CDKL4: variants seen among roughly 807,000 people sequenced by gnomAD.
CDKL4 encodes cyclin-dependent kinase-like 4.
CDKL4 carries 44 observed loss-of-function variants against 42.0 expected under a neutral mutation model. The ratio of observed to expected loss-of-function variants is 1.05; its 90% CI spans 0.82 to 1.35. The LOEUF is 1.35. Among genes scored for constraint, CDKL4 ranks in the 40% most tolerant of loss-of-function variants. CDKL4 has a pLI of 0.00. For missense variants in CDKL4, 393 were observed against 369.9 expected (o/e 1.06, Z -0.51); for synonymous variants, 120 against 121.6 (o/e 0.99, Z 0.09).
intron 7 of CDKL4, among the ~76,000 whole-genome samples, chr2:39,187,215 T>C (rs1057475549): frequency 3.9e-5 from 6 of 152,152 alleles, no homozygotes; most frequent in African/African-American, 1.2e-4. Context: ...CCTCCTGCCA[T>C]GATTGTAAGT....
intron 7 of CDKL4, among the ~76,000 whole-genome samples, chr2:39,185,399 CATATGTGTATATAT>C (rs1675744399): frequency 1.9e-4 from 3 of 15,526 alleles, no homozygotes; most frequent in Non-Finnish European, 5.9e-4. Flanking sequence ...TGTATATATA[CATATGTGTATATAT>C]ACATATATAT....
intron 3 of CDKL4, among the ~76,000 whole-genome samples, chr2:39,216,456 G>A (rs1054159379): frequency 3.3e-5 from 5 of 152,150 alleles, no homozygotes; most frequent in Admixed American, 2.0e-4. Flanking sequence ...AAGAAATTTG[G>A]ATTTTATGCT....
downstream of CDKL4, among the ~76,000 whole-genome samples, chr2:39,172,415 TGAGA>T (rs1252004166): frequency 2.0e-5 from 3 of 151,588 alleles, no homozygotes; most frequent in Non-Finnish European, 4.4e-5. Context: ...CTGAAGGGTG[TGAGA>T]GAATTTGTGT....
chr2:39,241,712 T>C (rs924476216), intron 1 of CDKL4, among the ~76,000 whole-genome samples: 10 of 152,314 alleles, frequency 6.6e-5, no homozygotes, highest in African/African-American at 2.2e-4. Context: ...TCTTTCTGCT[T>C]AGCTTCTCCC....
At position 39,229,363 on chromosome 2, in the gene CDKL4, A is replaced by G. The variant is rs1411551050; in HGVS notation, c.168+2T>C. The G allele has an allele frequency of 1.9e-6, 3 of 1,574,490 alleles. No individual in the cohort carries two copies. The highest frequency in any genetic ancestry group is 2.6e-6 in the Non-Finnish European group (3 of 1,159,990). On this transcript the variant is annotated splice_donor_variant, in intron 2 of 9. Transcript: ENST00000451199. LOFTEE classifies it high-confidence loss of function. ...TTTTACATATATATAAAGTTAACTT[A>G]CCTTCAACATACGTATTTCTCTTAG...
chr2:39,212,016 G>C (rs1225666128), intron 4 of CDKL4, among the ~76,000 whole-genome samples: 2 of 152,098 alleles, frequency 1.3e-5, no homozygotes, highest in Non-Finnish European at 2.9e-5. Context: ...ACAAGAAAAA[G>C]TCAGCCAAAA....
At chr2:39,193,078 A>T (rs1015118424) in intron 5 of CDKL4, among the ~76,000 whole-genome samples, 2 of 150,918 alleles carry the variant, frequency 1.3e-5, no homozygotes, top group African/African-American at 4.9e-5. Flanking sequence ...CAGTGAGCTA[A>T]GATCATATCA....
At position 39,236,082 on chromosome 2, in the gene CDKL4, A is replaced by T. The variant is rs182698587; in HGVS notation, c.-56-6494T>A. Among the ~76,000 whole-genome samples, 251 of 151,930 alleles carry T rather than the reference A, an allele frequency of 1.7e-3. 2 individuals are homozygous for T. Among genetic ancestry groups the T allele is most frequent in the African/African-American group, 5.8e-3 (240 of 41,514 alleles). On this transcript the variant is annotated intron_variant, in intron 1 of 9. Transcript: ENST00000451199. ...AAGAATTAAAGAACAATATGAGGAC[A>T]ATGACTCAATGAAGAGGGAATTTCA...
intron 9 of CDKL4, among the ~76,000 whole-genome samples, chr2:39,177,288 A>G (rs1236940849): frequency 6.6e-6 from 1 of 152,110 alleles, no homozygotes; most frequent in East Asian, 1.9e-4. Context: ...GAGGCGAGGC[A>G]AGGCAAGGTC....
At chr2:39,241,739 T>C (rs1227066651) in intron 1 of CDKL4, among the ~76,000 whole-genome samples, 3 of 152,216 alleles carry the variant, frequency 2.0e-5, no homozygotes, top group Admixed American at 1.3e-4. Flanking sequence ...CAAAAGCAGG[T>C]TCTTTCTCTG....
At chr2:39,200,949 C>G (rs2148327001) in intron 5 of CDKL4, among the ~76,000 whole-genome samples, 1 of 152,134 alleles carries the variant, frequency 6.6e-6, no homozygotes, top group Admixed American at 6.5e-5. Flanking sequence ...GCAAATGCAA[C>G]AAAAACAAAG....
At chr2:39,205,289 G>C (rs894322558) in intron 4 of CDKL4, among the ~76,000 whole-genome samples, 1 of 152,200 alleles carries the variant, frequency 6.6e-6, no homozygotes. Context: ...CTCTAAATGA[G>C]ATTAGACTTA....
At chr2:39,237,022 A>G (rs750785569) in intron 1 of CDKL4, among the ~76,000 whole-genome samples, 15 of 152,376 alleles carry the variant, frequency 9.8e-5, no homozygotes, top group Non-Finnish European at 1.3e-4. Context: ...AGGAGGGAAC[A>G]TGTCTCAACT....
At position 39,223,407 on chromosome 2, in the gene CDKL4, T is replaced by C. The variant is rs184074691; in HGVS notation, c.290+2432A>G. 1.5e-4 allele frequency among the ~76,000 whole-genome samples: 23 copies of C among 152,234 alleles called. No individual in the cohort carries two copies. In the East Asian group the frequency reaches 4.4e-3, roughly 29 times the overall value. On this transcript the variant is annotated intron_variant, in intron 3 of 9. Coordinates refer to ENST00000451199, the Ensembl canonical transcript of CDKL4. ...CTCCTAATGGCACTCTCTCTAGCCA[T>C]CAATGAGGAGGTCTGATTCCCTGAC...
intron 4 of CDKL4, among the ~76,000 whole-genome samples, chr2:39,210,664 T>A (rs897684448): frequency 3.9e-5 from 6 of 152,222 alleles, no homozygotes; most frequent in African/African-American, 1.4e-4. Flanking sequence ...GGATAAAGTA[T>A]AAACACTTGT....
At chr2:39,245,694 T>G (rs1679885987), upstream of CDKL4, among the ~76,000 whole-genome samples, 1 of 152,240 alleles carries the variant, frequency 6.6e-6, no homozygotes, top group South Asian at 2.1e-4. Context: ...ACAGCACACG[T>G]AACTGTTGAA....
chr2:39,208,604 A>G (rs1015664495), intron 4 of CDKL4, among the ~76,000 whole-genome samples: 7 of 152,124 alleles, frequency 4.6e-5, no homozygotes, highest in Admixed American at 4.6e-4. Context: ...CGGCCTCCCA[A>G]AGTGCTGGGA....
At chr2:39,244,291 G>A (rs1211776378), upstream of CDKL4, among the ~76,000 whole-genome samples, 1 of 152,260 alleles carries the variant, frequency 6.6e-6, no homozygotes, top group Admixed American at 6.5e-5. Flanking sequence ...GCGCGAGCGG[G>A]AACCGGGGCT....
At chr2:39,185,516 G>C (rs560241555) in intron 7 of CDKL4, among the ~76,000 whole-genome samples, 4 of 147,440 alleles carry the variant, frequency 2.7e-5, no homozygotes, top group African/African-American at 1.0e-4. Context: ...CTGGAGTGCA[G>C]TGGCAGCACG....
Sources: gnomAD v4.1 joint callset for allele counts (sites outside exome capture counted in the v4.1 genomes callset) on GRCh38, gnomAD v4.1.1 for gene constraint, MANE v1.5 for transcripts, NCBI Gene and HGNC (gene_info 2026-07-23, HGNC 2026-07-21) for gene names.